Variants in IGF1R observed in about 807,000 individuals in gnomAD.
IGF1R encodes insulin-like growth factor 1 receptor.
In IGF1R, 44 loss-of-function variants were observed where a neutral mutation model predicts 144.6. The observed-to-expected ratio is 0.30, with a 90% CI of 0.24 to 0.39. IGF1R has a LOEUF of 0.39. IGF1R is among the 10% of genes least tolerant of loss of function. The probability of loss-of-function intolerance (pLI) is 1.00; values close to 1 mark genes in which losing one functional copy is unlikely to be tolerated. For synonymous variants in IGF1R, 795 were observed against 722.8 expected (o/e 1.10, Z -1.60); for missense variants, 1,355 against 1,833.7 (o/e 0.74, Z 4.77).
intron 2 of IGF1R, among the ~76,000 whole-genome samples, chr15:98,782,356 TTA>T (rs1357399136): frequency 6.6e-6 from 1 of 152,188 alleles, no homozygotes; most frequent in African/African-American, 2.4e-5. Flanking sequence ...ATTCTGATTT[TTA>T]TGTTTTTTTT....
At chr15:98,820,335 TGAAA>T (rs1478103302) in intron 2 of IGF1R, among the ~76,000 whole-genome samples, 6 of 152,224 alleles carry the variant, frequency 3.9e-5, no homozygotes, top group Non-Finnish European at 8.8e-5. Context: ...ATAACTGAGT[TGAAA>T]GAGTCATATT....
intron 2 of IGF1R, among the ~76,000 whole-genome samples, chr15:98,811,851 G>T (rs982739505): frequency 6.6e-6 from 1 of 151,240 alleles, no homozygotes; most frequent in African/African-American, 2.4e-5. Flanking sequence ...GCATGAGCCC[G>T]GGAGGCGGAG....
At chr15:98,910,801 C>T (rs939329322) in intron 6 of IGF1R, among the ~76,000 whole-genome samples, 4 of 152,192 alleles carry the variant, frequency 2.6e-5, no homozygotes, top group South Asian at 2.1e-4. Context: ...CAGTTTGATA[C>T]CAAGTTTAGA....
At chr15:98,673,193 A>G (rs2052943107) in intron 1 of IGF1R, among the ~76,000 whole-genome samples, 1 of 151,908 alleles carries the variant, frequency 6.6e-6, no homozygotes. Context: ...GTCCTTTTGG[A>G]CCACACATGG....
intron 2 of IGF1R, among the ~76,000 whole-genome samples, chr15:98,856,048 G>A (rs1385992474): frequency 1.3e-5 from 2 of 152,188 alleles, no homozygotes; most frequent in African/African-American, 2.4e-5. Flanking sequence ...TCGGTTTAGA[G>A]GGAGACGGGG....
Position 98,946,579 on chromosome 15 carries a change from C to T in IGF1R, c.3588-1995C>T, listed in dbSNP as rs780188689. On this transcript the variant is annotated intron_variant, in intron 19 of 20. Transcript: ENST00000650285. The stretch of plus-strand genomic sequence containing the variant: ...CAGATGTGAGCCTGGGTGGACAGTT[C>T]GCAGTGGGACTCCGAGGAGGCCAAG... Among the ~76,000 whole-genome samples, 47 of 152,272 alleles carry T rather than the reference C, an allele frequency of 3.1e-4. No homozygotes were observed. The Middle Eastern group carries it at 0.014, about 44-fold the overall frequency.
At chr15:98,821,723 C>T (rs2056807273) in intron 2 of IGF1R, among the ~76,000 whole-genome samples, 1 of 152,144 alleles carries the variant, frequency 6.6e-6, no homozygotes, top group Non-Finnish European at 1.5e-5. Context: ...AAACCACTAG[C>T]CCATTCTTGG....
intron 19 of IGF1R, among the ~76,000 whole-genome samples, chr15:98,944,912 G>C (rs1421674823): frequency 6.6e-6 from 1 of 152,246 alleles, no homozygotes; most frequent in African/African-American, 2.4e-5. Flanking sequence ...CCTTCTCTCT[G>C]TAGCACAATT....
intron 2 of IGF1R, among the ~76,000 whole-genome samples, chr15:98,771,905 CA>C (rs1314274849): frequency 6.7e-6 from 1 of 149,848 alleles, no homozygotes; most frequent in African/African-American, 2.5e-5. Context: ...TCTCCACTGA[CA>C]TTTTTTTTTT....
chr15:98,854,499 CG>C (rs1342249158), intron 2 of IGF1R, among the ~76,000 whole-genome samples: 1 of 152,274 alleles, frequency 6.6e-6, no homozygotes, highest in South Asian at 2.1e-4. Context: ...CTTTCTTCTG[CG>C]GCCCTTCATA....
At chr15:98,782,166 T>C (rs946074184) in intron 2 of IGF1R, among the ~76,000 whole-genome samples, 3 of 152,148 alleles carry the variant, frequency 2.0e-5, no homozygotes, top group African/African-American at 7.2e-5. Context: ...CTTGAAAGAA[T>C]TGAATTTGTG....
At position 98,649,630 on chromosome 15, in the gene IGF1R, C is replaced by T. The variant is rs1461487625; in HGVS notation, c.49C>T (p.Leu17=). ...GTCCCCGACCTCGCTGTGGGGGCTC[C>T]TGTTTCTCTCCGCCGCGCTCTCGCT... ...GGSPTSLWGL[L]FLSAALSLWP... is the part of the protein sequence containing the mutation. Residue 17 remains leucine (L), a synonymous_variant, in exon 1 of 21, where the codon CTG becomes TTG. Transcript: ENST00000650285. 11 of 1,609,556 alleles carry T rather than the reference C, an allele frequency of 6.8e-6. No individual in the cohort carries two copies. The highest frequency in any genetic ancestry group is 9.3e-6 in the Non-Finnish European group (11 of 1,178,888).
chr15:98,753,122 C>T (rs1211798404), intron 2 of IGF1R, among the ~76,000 whole-genome samples: 1 of 151,832 alleles, frequency 6.6e-6, no homozygotes, highest in African/African-American at 2.4e-5. Flanking sequence ...TTAGTAGAGA[C>T]AGGGTTTCAC....
intron 2 of IGF1R, among the ~76,000 whole-genome samples, chr15:98,821,411 A>G (rs764019653): frequency 6.7e-4 from 102 of 152,270 alleles, no homozygotes; most frequent in Non-Finnish European, 1.2e-3. Flanking sequence ...AATAGTAAGT[A>G]GACCGTGAAT....
At position 98,958,216 on chromosome 15, in the gene IGF1R, T is replaced by G. The variant is rs2017088524; in HGVS notation, c.*774T>G. 4.3e-6 allele frequency: 1 copy of G among 232,056 alleles called. No homozygotes were observed. Among genetic ancestry groups the G allele is most frequent in the Non-Finnish European group, 8.5e-6 (1 of 117,276 alleles). The allele number at this position is 232,056 out of a possible 1,614,324, so 14.4% of individuals were successfully genotyped here. The stretch of plus-strand genomic sequence containing the variant: ...CAGGTCTCATTGCTTCTGACTAGAT[T>G]ATTATTTGGGGGAACTGGACACAAT... On this transcript the variant is annotated 3_prime_UTR_variant, in exon 21 of 21. Coordinates refer to ENST00000650285, the MANE Select transcript of IGF1R (RefSeq NM_000875.5).
chr15:98,798,158 G>A (rs1304251946), intron 2 of IGF1R, among the ~76,000 whole-genome samples: 1 of 152,216 alleles, frequency 6.6e-6, no homozygotes, highest in South Asian at 2.1e-4. Flanking sequence ...TTTTATTAAA[G>A]TAGGGAAGGG....
At chr15:98,893,127 A>G (rs900145244) in intron 3 of IGF1R, among the ~76,000 whole-genome samples, 1 of 152,218 alleles carries the variant, frequency 6.6e-6, no homozygotes, top group Non-Finnish European at 1.5e-5. Flanking sequence ...CAAATATAAA[A>G]ATATCGTTAG....
At chr15:98,868,561 G>A (rs995905296) in intron 2 of IGF1R, among the ~76,000 whole-genome samples, 3 of 152,056 alleles carry the variant, frequency 2.0e-5, no homozygotes, top group Non-Finnish European at 4.4e-5. Context: ...ACTCTGTGGC[G>A]CATACAGGTG....
At chr15:98,730,276 C>T (rs1468006430) in intron 2 of IGF1R, among the ~76,000 whole-genome samples, 2 of 151,748 alleles carry the variant, frequency 1.3e-5, no homozygotes, top group African/African-American at 2.4e-5. Flanking sequence ...CATAGATATA[C>T]ACCATGATCC....
Sources: allele counts gnomAD v4.1 joint callset (sites outside exome capture counted in the v4.1 genomes callset), GRCh38; gene constraint gnomAD v4.1.1; transcripts MANE v1.5; gene names NCBI Gene and HGNC (gene_info 2026-07-23, HGNC 2026-07-21).